PPIG: variants seen among roughly 807,000 people sequenced by gnomAD.
The protein encoded by PPIG is peptidyl-prolyl cis-trans isomerase G.
PPIG carries 26 observed loss-of-function variants against 87.9 expected under a neutral mutation model. The ratio of observed to expected loss-of-function variants is 0.30; its 90% CI spans 0.22 to 0.41. The LOEUF is 0.41. PPIG is among the 10% of genes least tolerant of loss of function. The probability of loss-of-function intolerance (pLI) is 1.00; values close to 1 mark genes in which losing one functional copy is unlikely to be tolerated. For synonymous variants in PPIG, 308 were observed against 276.5 expected, an observed-to-expected ratio of 1.11 and a Z score of -1.13; for missense variants, 722 against 879.4, an observed-to-expected ratio of 0.82 and a Z score of 2.26.
rs549351292 is a variant in PPIG at position 169,639,178 on chromosome 2, G to C, written c.*1655G>C. 1 of 151,612 alleles carries C rather than the reference G, an allele frequency of 6.6e-6. No individual in the cohort carries two copies. The highest frequency in any genetic ancestry group is 1.5e-5 in the Non-Finnish European group (1 of 67,828). The allele number at this position is 151,612 out of a possible 1,614,324, so 9.4% of individuals were successfully genotyped here. A position where few individuals can be genotyped will look rare whatever the true frequency, so the allele number is the denominator to read the frequency against. On this transcript the variant is annotated 3_prime_UTR_variant, in exon 14 of 14. Transcript: ENST00000260970. Reference sequence around the variant, plus strand: ...AATTCTTTCCAAAATTTTTTTTTCCGATGATAAAAGTAGTAGATGTTTATT... The same window carrying C: ...AATTCTTTCCAAAATTTTTTTTTCCCATGATAAAAGTAGTAGATGTTTATT...
rs1410396939 is a variant in PPIG, at chr2:169,637,105, C to G, written c.1847C>G (p.Ser616Ter). The G allele has an allele frequency of 1.2e-6, 2 of 1,612,356 alleles. No homozygotes were observed. Among genetic ancestry groups the G allele is most frequent in the Non-Finnish European group, 1.7e-6 (2 of 1,179,410 alleles). ...GAGAGAAGAACACCACCAGGAAGAT[C>G]AAGAAGTAAAGATAGGAGGAGAAGG... is the stretch of plus-strand genomic sequence containing the variant. The part of the protein sequence containing the change: ...SRERRTPPGR[S>*]RSKDRRRRRR... The change falls in exon 14 of 14, where the codon TCA (serine) becomes TGA (stop). Residue 616 changes from serine to a stop codon, truncating the protein, a stop_gained. Coordinates refer to ENST00000260970, the MANE Select transcript of PPIG (RefSeq NM_004792.3). LOFTEE classifies it high-confidence loss of function.
At chr2:169,633,404 T>C in intron 12 of PPIG, 157 bp downstream of exon 12, 1 of 664,844 alleles carries the variant, frequency 1.5e-6, no homozygotes, top group African/African-American at 1.8e-5. Flanking sequence ...AAGCAGCTTC[T>C]GTATGTTGGT....
chr2:169,587,553 A>G (rs1684737708), intron 1 of PPIG, among the ~76,000 whole-genome samples: 6 of 152,082 alleles, frequency 3.9e-5, no homozygotes, highest in Admixed American at 3.9e-4. Context: ...TTTGCTTTTA[A>G]TGTTAGGACT....
At position 169,636,961 on chromosome 2, in the gene PPIG, G is replaced by C. The variant is rs541667736; in HGVS notation, c.1703G>C (p.Ser568Thr). Reference sequence around the variant, plus strand: ...AGCAGAACAAGAGAACGAAGCAGAAGTAGGGACAGAAGCAGAAGAGTGCGA... The same window carrying C: ...AGCAGAACAAGAGAACGAAGCAGAACTAGGGACAGAAGCAGAAGAGTGCGA... ...YNSRTRERSR[S>T]RDRSRRVRSR... The change falls in exon 14 of 14, where the codon AGT becomes ACT. Residue 568 changes from serine (S) to threonine (T), a missense_variant. Physicochemically the swap from Ser to Thr is moderately conservative, Grantham distance 58. Around this residue, in one of 4 missense-constraint regions of PPIG, gnomAD observed 476 missense variants for 483.1 expected, o/e 0.99. Transcript: ENST00000260970. 3.7e-5 allele frequency: 60 copies of C among 1,613,986 alleles called. No homozygotes were observed. The South Asian group carries it at 6.5e-4, about 17-fold the overall frequency.
chr2:169,624,755 T>C (rs1215405402), intron 9 of PPIG, among the ~76,000 whole-genome samples: 1 of 151,868 alleles, frequency 6.6e-6, no homozygotes, highest in Non-Finnish European at 1.5e-5. Flanking sequence ...GCCCGGCTAA[T>C]TTCTTTTTGT....
Position 169,608,804 on chromosome 2 carries a change from C to T in PPIG, c.377+46C>T, listed in dbSNP as rs552676071. On this transcript the variant is annotated intron_variant, in intron 7 of 13. Transcript: ENST00000260970. ...GATTTAAAACATCCCATTTTTGGGC[C>T]GGGCACGGTGGCTCATGCCTGTAAT... 115 of 1,395,970 alleles carry T rather than the reference C, an allele frequency of 8.2e-5. No individual in the cohort carries two copies. In the East Asian group the frequency reaches 9.6e-4, roughly 12 times the overall value. The allele number at this position is 1,395,970 out of a possible 1,614,324, so 86.5% of individuals were successfully genotyped here. A position where few individuals can be genotyped will look rare whatever the true frequency, so the allele number is the denominator to read the frequency against.
chr2:169,594,164 A>G (rs937054742), intron 1 of PPIG, among the ~76,000 whole-genome samples: 1 of 152,154 alleles, frequency 6.6e-6, no homozygotes, highest in African/African-American at 2.4e-5. Context: ...GATTTCCAAC[A>G]GTTGAATTTT....
intron 7 of PPIG, among the ~76,000 whole-genome samples, chr2:169,613,244 G>A (rs142785800): frequency 2.0e-4 from 31 of 152,264 alleles, no homozygotes; most frequent in African/African-American, 6.7e-4. Context: ...TTAGTGAGTT[G>A]AAGTGAGCAT....
chr2:169,617,497 G>A (rs757976540), intron 9 of PPIG, among the ~76,000 whole-genome samples: 1 of 152,202 alleles, frequency 6.6e-6, no homozygotes, highest in South Asian at 2.1e-4. Context: ...CCATGAGCAT[G>A]GAATGTTTTT....
chr2:169,630,415 A>G (rs887996160), intron 9 of PPIG, among the ~76,000 whole-genome samples: 3 of 152,146 alleles, frequency 2.0e-5, no homozygotes, highest in Admixed American at 1.3e-4. Context: ...AGTTCTGCCA[A>G]TCTTGATAAT....
chr2:169,628,998 CT>C, intron 9 of PPIG, among the ~76,000 whole-genome samples: 1 of 138,344 alleles, frequency 7.2e-6, no homozygotes, highest in Non-Finnish European at 1.5e-5. Flanking sequence ...AATACCAAAT[CT>C]TCAGATGTTC....
At chr2:169,586,830 G>A (rs1684717849) in intron 1 of PPIG, among the ~76,000 whole-genome samples, 1 of 152,324 alleles carries the variant, frequency 6.6e-6, no homozygotes, top group South Asian at 2.1e-4. Flanking sequence ...GAATCCCAGT[G>A]TACTAAGATG....
intron 9 of PPIG, 131 bp downstream of exon 9, chr2:169,614,855 G>C (rs908997910): frequency 2.7e-6 from 3 of 1,104,576 alleles, no homozygotes; most frequent in African/African-American, 3.2e-5. Context: ...ATGTATTTCT[G>C]TGCTTTTATT....
intron 1 of PPIG, among the ~76,000 whole-genome samples, chr2:169,597,765 C>T (rs773179506): frequency 6.6e-6 from 1 of 152,118 alleles, no homozygotes; most frequent in Non-Finnish European, 1.5e-5. Flanking sequence ...TCCCAAAGTG[C>T]TGGGATTACA....
chr2:169,631,952 T>C lies in PPIG; in HGVS notation c.929+19T>C. ...GAGAGTGGTATGTGAATATGTATAT[T>C]TTGCCTTACATGGTTTACCATAGAA... On this transcript the variant is annotated intron_variant, in intron 11 of 13. Coordinates refer to ENST00000260970, the MANE Select transcript of PPIG (RefSeq NM_004792.3). 1 of 1,566,772 alleles carries C rather than the reference T, an allele frequency of 6.4e-7. No individual in the cohort carries two copies. The highest frequency in any genetic ancestry group is 1.1e-5 in the South Asian group (1 of 87,724).
At chr2:169,614,424 T>A (rs1685562275) in intron 7 of PPIG, 40 bp from the exon 8 acceptor site, 1 of 1,499,332 alleles carries the variant, frequency 6.7e-7, no homozygotes, top group Non-Finnish European at 9.1e-7. Context: ...TGTTTTTCTC[T>A]GACTTTGTTT....
At position 169,641,307 on chromosome 2, in the gene PPIG, T is replaced by C. The variant is rs903600479; in HGVS notation, c.*3784T>C. 3 of 152,196 alleles carry C rather than the reference T, an allele frequency of 2.0e-5. No individual in the cohort carries two copies. The highest frequency in any genetic ancestry group is 4.4e-5 in the Non-Finnish European group (3 of 68,026). 9.4% of individuals were successfully genotyped at this position (152,196 alleles called of 1,614,324 possible). On this transcript the variant is annotated 3_prime_UTR_variant, in exon 14 of 14. Coordinates refer to ENST00000260970, the MANE Select transcript of PPIG (RefSeq NM_004792.3). Reference sequence around the variant, plus strand: ...TCTCTTATCATTAGTCTAGTAATTGTTGAACTTTTCTGCAAACTGCATTTT... The same window carrying C: ...TCTCTTATCATTAGTCTAGTAATTGCTGAACTTTTCTGCAAACTGCATTTT...
chr2:169,631,243 T>C (rs925542319), intron 10 of PPIG, among the ~76,000 whole-genome samples: 1 of 152,172 alleles, frequency 6.6e-6, no homozygotes, highest in Non-Finnish European at 1.5e-5. Context: ...TTGTGTGTTT[T>C]ATAGGAGGAT....
chr2:169,593,120 G>C (rs926823297), intron 1 of PPIG, among the ~76,000 whole-genome samples: 4 of 142,536 alleles, frequency 2.8e-5, no homozygotes, highest in Non-Finnish European at 6.1e-5. Context: ...TTAGAAGACT[G>C]TGTGTGTATA....
Sources: gnomAD v4.1 joint callset for allele counts (sites outside exome capture counted in the v4.1 genomes callset) on GRCh38, gnomAD v4.1.1 for gene constraint, gnomAD v4.1.1 regional missense constraint, MANE v1.5 for transcripts, NCBI Gene and HGNC (gene_info 2026-07-23, HGNC 2026-07-21) for gene names.